NKAIN2: variants seen among roughly 807,000 people sequenced by gnomAD.
NKAIN2 encodes sodium/potassium-transporting ATPase subunit beta-1-interacting protein 2.
NKAIN2 carries 14 observed loss-of-function variants against 32.6 expected under a neutral mutation model. The observed-to-expected ratio is 0.43, with a 90% CI of 0.28 to 0.67. NKAIN2 has a LOEUF of 0.67. Ranked by LOEUF, NKAIN2 falls within the 30% of genes least tolerant of loss-of-function variation. The pLI, the probability that NKAIN2 is intolerant of heterozygous loss-of-function variation, is 0.17. For synonymous variants in NKAIN2, 80 were observed against 87.2 expected, an observed-to-expected ratio of 0.92 and a Z score of 0.46; for missense variants, 198 against 258.3, an observed-to-expected ratio of 0.77 and a Z score of 1.60.
intron 1 of NKAIN2, among the ~76,000 whole-genome samples, chr6:124,262,816 C>T (rs566279294): frequency 3.3e-5 from 5 of 152,216 alleles, no homozygotes; most frequent in Admixed American, 3.3e-4. Flanking sequence ...ACGATGGGAC[C>T]TCACATTGTG....
At chr6:124,360,556 A>C (rs529623822) in intron 3 of NKAIN2, among the ~76,000 whole-genome samples, 1 of 152,252 alleles carries the variant, frequency 6.6e-6, no homozygotes, top group Non-Finnish European at 1.5e-5. Flanking sequence ...ATTATTATTA[A>C]AATTTCCATT....
intron 1 of NKAIN2, among the ~76,000 whole-genome samples, chr6:123,887,812 T>C (rs1773799370): frequency 6.6e-6 from 1 of 152,088 alleles, no homozygotes; most frequent in African/African-American, 2.4e-5. Context: ...TCCTTCTGCT[T>C]TGAGAGACTG....
At chr6:124,074,615 G>A (rs902178588) in intron 1 of NKAIN2, among the ~76,000 whole-genome samples, 2 of 152,098 alleles carry the variant, frequency 1.3e-5, no homozygotes, top group African/African-American at 4.8e-5. Flanking sequence ...GTGCTTCTCT[G>A]GTTCCAACCA....
At position 124,482,766 on chromosome 6, in the gene NKAIN2, T is replaced by C. The variant is rs532540974; in HGVS notation, c.273+127419T>C. 2.4e-4 allele frequency among the ~76,000 whole-genome samples: 37 copies of C among 152,370 alleles called. No individual in the cohort carries two copies. The East Asian group carries it at 7.1e-3, about 29-fold the overall frequency. ...TCCAATACGTGATCAAGTAGTTTAA[T>C]ATGGTAGCAATTTACCTTCATGCTA... On this transcript the variant is annotated intron_variant, in intron 3 of 6. Transcript: ENST00000368417.
intron 3 of NKAIN2, among the ~76,000 whole-genome samples, chr6:124,440,900 T>C (rs960947300): frequency 9.2e-5 from 14 of 152,002 alleles, no homozygotes; most frequent in Admixed American, 1.3e-4. Flanking sequence ...CTAGGAATGA[T>C]TGTAAGTAGG....
intron 2 of NKAIN2, among the ~76,000 whole-genome samples, chr6:124,346,664 T>C (rs1351898250): frequency 6.6e-6 from 1 of 151,606 alleles, no homozygotes; most frequent in Non-Finnish European, 1.5e-5. Context: ...AACCCCTGCC[T>C]TTTTTTGTTT....
intron 3 of NKAIN2, among the ~76,000 whole-genome samples, chr6:124,501,466 C>T (rs1198557283): frequency 1.3e-5 from 2 of 152,128 alleles, no homozygotes; most frequent in African/African-American, 2.4e-5. Context: ...AAAACAAAAA[C>T]ATTTCGCGGT....
chr6:124,102,610 G>C (rs1297591888), intron 1 of NKAIN2, among the ~76,000 whole-genome samples: 1 of 152,166 alleles, frequency 6.6e-6, no homozygotes, highest in Non-Finnish European at 1.5e-5. Flanking sequence ...CTATAGTGAT[G>C]CTCAAATGAA....
At chr6:124,798,220 G>A (rs1325762876) in intron 5 of NKAIN2, among the ~76,000 whole-genome samples, 2 of 152,196 alleles carry the variant, frequency 1.3e-5, no homozygotes, top group African/African-American at 4.8e-5. Context: ...TCTAAGAGGA[G>A]ACAATTAGAA....
chr6:124,216,472 G>C (rs1482985053), intron 1 of NKAIN2, among the ~76,000 whole-genome samples: 1 of 152,176 alleles, frequency 6.6e-6, no homozygotes, highest in African/African-American at 2.4e-5. Context: ...ACACGCATAT[G>C]CCCAACTGAG....
At chr6:124,776,927 G>A (rs1249743088) in intron 4 of NKAIN2, among the ~76,000 whole-genome samples, 8 of 152,050 alleles carry the variant, frequency 5.3e-5, no homozygotes, top group East Asian at 3.9e-4. Flanking sequence ...CATCTTAGTC[G>A]TAGCATATTT....
intron 3 of NKAIN2, among the ~76,000 whole-genome samples, chr6:124,568,783 C>G (rs1781016276): frequency 8.8e-6 from 1 of 114,078 alleles, no homozygotes; most frequent in Non-Finnish European, 1.7e-5. Context: ...TCTGGTTCAG[C>G]TTTTGTTTTC....
At chr6:124,352,330 TA>T in intron 2 of NKAIN2, among the ~76,000 whole-genome samples, 1 of 152,246 alleles carries the variant, frequency 6.6e-6, no homozygotes, top group East Asian at 1.9e-4. Flanking sequence ...TAAATGTAAG[TA>T]ACTAAGTATA....
chr6:124,105,940 T>C (rs1785099168), intron 1 of NKAIN2, among the ~76,000 whole-genome samples: 1 of 152,220 alleles, frequency 6.6e-6, no homozygotes, highest in African/African-American at 2.4e-5. Flanking sequence ...GGTGCTTTTT[T>C]AAATCACTAT....
At chr6:124,084,845 T>C (rs1011980540) in intron 1 of NKAIN2, among the ~76,000 whole-genome samples, 1 of 151,396 alleles carries the variant, frequency 6.6e-6, no homozygotes, top group African/African-American at 2.4e-5. Context: ...CCCGTCCTCA[T>C]AGAAAAAGAA....
rs1784238210 is a variant in NKAIN2, at chr6:124,087,528, G to T, written c.55-195477G>T. ...TCTGTGTAGAAAATCTAAAAGAATT[G>T]ACAAAAAACTTCCTGGAACTAATTA... is the stretch of plus-strand genomic sequence containing the variant. On this transcript the variant is annotated intron_variant, in intron 1 of 6. Transcript: ENST00000368417. Among the ~76,000 whole-genome samples the T allele has an allele frequency of 2.0e-5, 3 of 151,968 alleles. No individual in the cohort carries two copies. The South Asian group carries it at 6.2e-4, about 32-fold the overall frequency.
intron 1 of NKAIN2, among the ~76,000 whole-genome samples, chr6:123,868,003 G>C (rs1237412252): frequency 6.6e-6 from 1 of 151,896 alleles, no homozygotes; most frequent in African/African-American, 2.4e-5. Flanking sequence ...CGAGTAGCTG[G>C]GACTACAGGC....
intron 1 of NKAIN2, among the ~76,000 whole-genome samples, chr6:124,150,746 T>G (rs1466441497): frequency 6.6e-6 from 1 of 152,194 alleles, no homozygotes; most frequent in Non-Finnish European, 1.5e-5. Context: ...ATTTTACATT[T>G]TTAAGCACAC....
chr6:124,584,754 G>A (rs1445399571), intron 3 of NKAIN2, among the ~76,000 whole-genome samples: 2 of 151,692 alleles, frequency 1.3e-5, no homozygotes, highest in East Asian at 3.9e-4. Flanking sequence ...AAACTACAAT[G>A]GGATATCATC....
Sources: allele counts gnomAD v4.1 joint callset (sites outside exome capture counted in the v4.1 genomes callset), GRCh38; gene constraint gnomAD v4.1.1; transcripts MANE v1.5; gene names NCBI Gene and HGNC (gene_info 2026-07-23, HGNC 2026-07-21).